Variants in PTTG1 observed in about 807,000 individuals in gnomAD.
PTTG1 encodes PTTG1 regulator of sister chromatid separation, securin, also known as securin.
Under a neutral mutation model 20.0 loss-of-function variants are expected in PTTG1, and 8 were observed. The observed-to-expected ratio is 0.40, with a 90% CI of 0.23 to 0.72. The LOEUF (loss-of-function observed/expected upper bound fraction) is 0.72. PTTG1 is among the 30% of genes least tolerant of loss of function. The probability of loss-of-function intolerance (pLI) is 0.38; values close to 1 mark genes in which losing one functional copy is unlikely to be tolerated. For synonymous variants in PTTG1, 79 were observed against 87.2 expected, an observed-to-expected ratio of 0.91 and a Z score of 0.52; for missense variants, 197 against 236.0, an observed-to-expected ratio of 0.83 and a Z score of 1.08.
chr5:160,427,624 T>C (rs73316397), intron 4 of PTTG1, 91 bp from the exon 5 acceptor site: 40,511 of 1,389,470 alleles, frequency 0.029, 3,308 homozygotes, highest in African/African-American at 0.21. Flanking sequence ...TTTGACCTCA[T>C]GGACCCCCTC....
intron 4 of PTTG1, among the ~76,000 whole-genome samples, chr5:160,427,295 C>T (rs933395535): frequency 3.3e-5 from 5 of 152,258 alleles, no homozygotes; most frequent in East Asian, 1.9e-4. Context: ...TCCTTTTAAT[C>T]GTATTTTGGT....
rs202006339 is a variant in PTTG1 at position 160,427,696 on chromosome 5, C to T, written c.371-19C>T. 268 of 1,611,204 alleles carry T rather than the reference C, an allele frequency of 1.7e-4. 1 individual carries two copies. In the East Asian group the frequency reaches 5.3e-3, roughly 32 times the overall value. On this transcript the variant is annotated intron_variant, in intron 4 of 5. Coordinates refer to ENST00000352433, the MANE Select transcript of PTTG1 (RefSeq NM_004219.4). ...CTAAGAACTGCTGCCCTGACAAAAACGCTTTCTCTCTGTAACAGACTTTGA... is the reference window on the plus strand; with the variant it reads ...CTAAGAACTGCTGCCCTGACAAAAATGCTTTCTCTCTGTAACAGACTTTGA...
intron 3 of PTTG1, among the ~76,000 whole-genome samples, chr5:160,423,639 T>C (rs2113208400): frequency 6.6e-6 from 1 of 152,284 alleles, no homozygotes; most frequent in South Asian, 2.1e-4. Context: ...GAGAACCCCA[T>C]AGGGAATTCT....
intron 5 of PTTG1, 125 bp from the exon 6 acceptor site, chr5:160,428,477 G>T (rs1460051306): frequency 7.4e-6 from 6 of 809,030 alleles, no homozygotes; most frequent in Middle Eastern, 2.3e-4. Context: ...GTCAGGAGGG[G>T]ATGCAGGTGA....
In PTTG1 at chr5:160,427,734, G is replaced by T. The variant is rs757986269; in HGVS notation, c.390G>T (p.Leu130=). 1.2e-5 allele frequency: 19 copies of T among 1,614,042 alleles called. No homozygotes were observed. The highest frequency in any genetic ancestry group is 1.6e-5 in the Non-Finnish European group (19 of 1,179,950). ...TAACAGACTTTGAGAGTTTTGACCT[G>T]CCTGAAGAGCACCAGATTGCGCACC... ...FNPLDFESFD[L]PEEHQIAHLP... Residue 130 remains leucine (L), a synonymous_variant, in exon 5 of 6, where the codon CTG becomes CTT. Coordinates refer to ENST00000352433, the MANE Select transcript of PTTG1 (RefSeq NM_004219.4).
At chr5:160,427,950 G>A in intron 5 of PTTG1, 77 bp downstream of exon 5, 8 of 1,543,444 alleles carry the variant, frequency 5.2e-6, no homozygotes, top group Non-Finnish European at 7.1e-6. Context: ...GGGAAGAGTT[G>A]TGCGGGAGGT....
At chr5:160,422,256 C>T in intron 1 of PTTG1, 46 bp from the exon 2 acceptor site, 10 of 1,433,416 alleles carry the variant, frequency 7.0e-6, no homozygotes, top group Non-Finnish European at 9.8e-6. Context: ...TATACCTTTG[C>T]TTCTCCCACC....
Position 160,427,699 on chromosome 5 carries a change from T to C in PTTG1, c.371-16T>C, listed in dbSNP as rs775846230. The stretch of plus-strand genomic sequence containing the variant: ...AGAACTGCTGCCCTGACAAAAACGC[T>C]TTCTCTCTGTAACAGACTTTGAGAG... On this transcript the variant is annotated splice_polypyrimidine_tract_variant and intron_variant, in intron 4 of 5. Transcript: ENST00000352433. 1 of 1,612,126 alleles carries C rather than the reference T, an allele frequency of 6.2e-7. No individual in the cohort carries two copies. Among genetic ancestry groups the C allele is most frequent in the Non-Finnish European group, 8.5e-7 (1 of 1,178,756 alleles).
chr5:160,422,990 A>G, intron 3 of PTTG1, 97 bp downstream of exon 3: 2 of 1,283,972 alleles, frequency 1.6e-6, no homozygotes, highest in Non-Finnish European at 2.2e-6. Context: ...CTTCCCTCTG[A>G]GTAGAAGGGA....
intron 4 of PTTG1, among the ~76,000 whole-genome samples, chr5:160,425,647 C>T (rs73316385): frequency 0.035 from 5,269 of 152,126 alleles, 241 homozygotes; most frequent in East Asian, 0.15. Context: ...TATTAACTTC[C>T]GGTTTGTGTT....
At chr5:160,427,653 AG>A (rs1218049157) in intron 4 of PTTG1, 61 bp from the exon 5 acceptor site, 2 of 1,552,816 alleles carry the variant, frequency 1.3e-6, no homozygotes, top group Non-Finnish European at 1.8e-6. Context: ...TCAGACCACA[AG>A]GGATCTACAG....
At chr5:160,428,021 AT>A in intron 5 of PTTG1, 148 bp downstream of exon 5, 1 of 1,058,850 alleles carries the variant, frequency 9.4e-7, no homozygotes, top group Non-Finnish European at 1.3e-6. Context: ...AAAATAAACT[AT>A]TCTCGATTAA....
At chr5:160,423,503 G>T (rs1451935803) in intron 3 of PTTG1, among the ~76,000 whole-genome samples, 1 of 152,182 alleles carries the variant, frequency 6.6e-6, no homozygotes, top group Non-Finnish European at 1.5e-5. Context: ...AACAACTAGT[G>T]AATTACATAT....
In PTTG1 at chr5:160,426,050, A is replaced by G. The variant is rs118139027; in HGVS notation, c.371-1665A>G. ...TTAAGAATGAATGTTACCTAACACA[A>G]TGGTTCTCCATTTTTTTTTGTTTTG... On this transcript the variant is annotated intron_variant, in intron 4 of 5. Coordinates refer to ENST00000352433, the MANE Select transcript of PTTG1 (RefSeq NM_004219.4). Among the ~76,000 whole-genome samples, 297 of 152,270 alleles carry G rather than the reference A, an allele frequency of 2.0e-3. 5 individuals carry two copies. The East Asian group carries it at 0.048, about 25-fold the overall frequency.
rs528118145 is a variant in PTTG1, at chr5:160,422,327, C to G, written c.15C>G (p.Ile5Met). MATL[I>M]YVDKENGEPG... ...AATAATCCAGAATGGCTACTCTGAT[C>G]TATGTTGATAAGGAAAATGGAGAAC... Residue 5 changes from isoleucine to methionine, a missense_variant, in exon 2 of 6, where the codon ATC (isoleucine) becomes ATG (methionine). Transcript: ENST00000352433. The G allele has an allele frequency of 6.2e-6, 10 of 1,613,618 alleles. No individual in the cohort carries two copies. The highest frequency in any genetic ancestry group is 8.5e-6 in the Non-Finnish European group (10 of 1,179,744).
chr5:160,422,519 C>T, intron 2 of PTTG1, 116 bp downstream of exon 2: 3 of 714,082 alleles, frequency 4.2e-6, no homozygotes, highest in Admixed American at 4.8e-5. Context: ...GGTCCTTTTT[C>T]ATTTTTAATA....
Sources: gnomAD v4.1 joint callset for allele counts (sites outside exome capture counted in the v4.1 genomes callset) on GRCh38, gnomAD v4.1.1 for gene constraint, MANE v1.5 for transcripts, NCBI Gene and HGNC (gene_info 2026-07-23, HGNC 2026-07-21) for gene names.